The following AATF variants were observed in gnomAD, a reference collection of about 807,000 sequenced individuals.
AATF encodes the protein protein AATF.
In AATF, 48 loss-of-function variants were observed where a neutral mutation model predicts 63.7. The ratio of observed to expected loss-of-function variants is 0.75; its 90% CI spans 0.60 to 0.96. The LOEUF is 0.96. AATF is among the 40% of genes least tolerant of loss of function. The pLI, the probability that AATF is intolerant of heterozygous loss-of-function variation, is 0.00. For synonymous variants in AATF, 258 were observed against 247.7 expected, an observed-to-expected ratio of 1.04 and a Z score of -0.39; for missense variants, 639 against 685.7, an observed-to-expected ratio of 0.93 and a Z score of 0.76.
chr17:36,987,935 A>C (rs2071181711), intron 5 of AATF, among the ~76,000 whole-genome samples: 1 of 152,256 alleles, frequency 6.6e-6, no homozygotes, highest in Admixed American at 6.5e-5. Context: ...ATTTCTAATA[A>C]TTCTTTTAAA....
chr17:36,997,191 A>G (rs2071260914), intron 8 of AATF, among the ~76,000 whole-genome samples: 1 of 152,222 alleles, frequency 6.6e-6, no homozygotes, highest in Non-Finnish European at 1.5e-5. Flanking sequence ...CCTCTTCACT[A>G]AAGTAGGCAT....
At chr17:36,949,921 A>G (rs1486641696) in intron 1 of AATF, among the ~76,000 whole-genome samples, 2 of 152,248 alleles carry the variant, frequency 1.3e-5, no homozygotes, top group Non-Finnish European at 1.5e-5. Flanking sequence ...GAACGTGATG[A>G]CTGATTTAAG....
chr17:36,998,757 G>A (rs1257642848), intron 8 of AATF: 1 of 152,122 alleles, frequency 6.6e-6, no homozygotes, highest in Admixed American at 6.6e-5. Flanking sequence ...TATGCCAGAT[G>A]CTAGTTTTAT....
intron 5 of AATF, among the ~76,000 whole-genome samples, chr17:36,987,561 A>T: frequency 6.6e-6 from 1 of 151,268 alleles, no homozygotes; most frequent in Non-Finnish European, 1.5e-5. Context: ...TTCACTTTTT[A>T]TCTACTGAAC....
chr17:37,054,668 GGCGTT>G (rs2071782869), intron 11 of AATF: 1 of 152,248 alleles, frequency 6.6e-6, no homozygotes, highest in Non-Finnish European at 1.5e-5. Context: ...CTTCGGCCCA[GGCGTT>G]GCACTGATAT....
chr17:37,028,744 C>T (rs570771030), intron 10 of AATF, among the ~76,000 whole-genome samples: 3 of 152,138 alleles, frequency 2.0e-5, no homozygotes, highest in Non-Finnish European at 4.4e-5. Context: ...CGAGATAGCA[C>T]CACTCCATTC....
intron 8 of AATF, among the ~76,000 whole-genome samples, chr17:37,010,732 G>C (rs2071384042): frequency 6.6e-6 from 1 of 152,190 alleles, no homozygotes; most frequent in Admixed American, 6.5e-5. Context: ...TTTAACAAAT[G>C]AGTAGAGGAG....
intron 11 of AATF, among the ~76,000 whole-genome samples, chr17:37,032,815 A>T (rs2071561906): frequency 6.6e-6 from 1 of 152,198 alleles, no homozygotes; most frequent in South Asian, 2.1e-4. Flanking sequence ...ATGACGAAAT[A>T]ATATTGTTAT....
intron 4 of AATF, among the ~76,000 whole-genome samples, chr17:36,955,731 C>T (rs1391545713): frequency 6.6e-6 from 1 of 151,960 alleles, no homozygotes; most frequent in Non-Finnish European, 1.5e-5. Context: ...AGTCAGTGTC[C>T]AGTATAATGG....
chr17:36,953,964 G>T, intron 4 of AATF, 57 bp downstream of exon 4: 1 of 1,566,350 alleles, frequency 6.4e-7, no homozygotes, highest in Admixed American at 1.8e-5. Flanking sequence ...AATGAAGACA[G>T]CTTTGATTGA....
Position 36,949,114 on chromosome 17 carries a change from G to A in AATF, c.-12G>A, listed in dbSNP as rs1233022149. 9.6e-6 allele frequency: 15 copies of A among 1,570,280 alleles called. No individual in the cohort carries two copies. Among genetic ancestry groups the A allele is most frequent in the Admixed American group, 3.8e-5 (2 of 52,674 alleles). On this transcript the variant is annotated 5_prime_UTR_variant, in exon 1 of 12. Transcript: ENST00000619387. ...ACGTGCGCGAAGCGGAGTGGACCGG[G>A]AGCTGGTGACGATGGCGGGGCCGCA...
chr17:37,010,756 T>G (rs1234175493), intron 8 of AATF, among the ~76,000 whole-genome samples: 1 of 151,784 alleles, frequency 6.6e-6, no homozygotes. Context: ...GCGTGGGAGG[T>G]CAGTGGCTAG....
chr17:36,949,247 G>T, intron 1 of AATF, 31 bp downstream of exon 1: 1 of 1,563,006 alleles, frequency 6.4e-7, no homozygotes. Context: ...GCCACGTGCG[G>T]AGCGGTGGGC....
intron 8 of AATF, among the ~76,000 whole-genome samples, chr17:36,995,967 A>G (rs2071251784): frequency 6.6e-6 from 1 of 152,160 alleles, no homozygotes; most frequent in South Asian, 2.1e-4. Context: ...GCCTCTGTGA[A>G]TGAGTTGTTG....
intron 6 of AATF, 152 bp from the exon 7 acceptor site, chr17:36,989,095 T>C (rs2071192804): frequency 2.3e-6 from 2 of 863,352 alleles, no homozygotes; most frequent in East Asian, 2.5e-5. Context: ...AGAACAATTA[T>C]AGCCACTCAC....
chr17:36,999,297 T>A (rs907037452), intron 8 of AATF: 42 of 152,222 alleles, frequency 2.8e-4, no homozygotes, highest in African/African-American at 9.4e-4. Flanking sequence ...CTTCATTCAT[T>A]CAACAAATAT....
chr17:37,039,553 T>A (rs2071620248), intron 11 of AATF, among the ~76,000 whole-genome samples: 1 of 152,252 alleles, frequency 6.6e-6, no homozygotes, highest in African/African-American at 2.4e-5. Context: ...TGACATAGTT[T>A]ATAATTTGCT....
At chr17:36,968,654 C>G (rs1027725665) in intron 4 of AATF, among the ~76,000 whole-genome samples, 1 of 151,810 alleles carries the variant, frequency 6.6e-6, no homozygotes, top group Non-Finnish European at 1.5e-5. Flanking sequence ...GAAGGTCCCA[C>G]TCTGTCACCT....
intron 1 of AATF, among the ~76,000 whole-genome samples, chr17:36,949,509 G>C (rs1384198306): frequency 6.6e-6 from 1 of 152,272 alleles, no homozygotes; most frequent in Non-Finnish European, 1.5e-5. Flanking sequence ...GAGGGAGCCA[G>C]AGAGTCTGCT....
Sources: gnomAD v4.1 joint callset for allele counts (sites outside exome capture counted in the v4.1 genomes callset) on GRCh38, gnomAD v4.1.1 for gene constraint, MANE v1.5 for transcripts, NCBI Gene and HGNC (gene_info 2026-07-23, HGNC 2026-07-21) for gene names.